Variants in NBPF4 observed in about 807,000 individuals in gnomAD.
NBPF4 encodes the protein NBPF family member NBPF4.
A neutral mutation model predicts 21.1 loss-of-function variants in NBPF4; 11 were observed. The ratio of observed to expected loss-of-function variants is 0.52; its 90% CI spans 0.33 to 0.86. The LOEUF (loss-of-function observed/expected upper bound fraction) is 0.86. Among genes scored for constraint, NBPF4 ranks in the 40% least tolerant of loss-of-function variants. NBPF4 has a pLI of 0.03. For synonymous variants in NBPF4, 47 were observed against 106.4 expected, an observed-to-expected ratio of 0.44 and a Z score of 3.43; for missense variants, 88 against 265.3, an observed-to-expected ratio of 0.33 and a Z score of 4.64.
At chr1:108,256,536 C>CCCCTCCCCTCCCCT in the NBPF4 span, among the ~76,000 whole-genome samples, 1 of 83,598 alleles carries the variant, frequency 1.2e-5, no homozygotes, top group Non-Finnish European at 2.2e-5. Context: ...TCCCTCCCCT[C>CCCCTCCCCTCCCCT]CCCTCCCCTC....
At chr1:108,246,264 C>T (rs1316963447), upstream of NBPF4, among the ~76,000 whole-genome samples, 4 of 127,332 alleles carry the variant, frequency 3.1e-5, no homozygotes, top group Non-Finnish European at 6.7e-5. Flanking sequence ...GCTGGGTAGT[C>T]CATGGTCACA....
At position 108,223,884 on chromosome 1, in the gene NBPF4, G is replaced by A. The variant is rs544330658; in HGVS notation, c.1876-138C>T. 195 of 945,606 alleles carry A rather than the reference G, an allele frequency of 2.1e-4. No homozygotes were observed. The East Asian group carries it at 4.6e-3, about 22-fold the overall frequency. 58.6% of individuals were successfully genotyped at this position (945,606 alleles called of 1,614,324 possible). A position where few individuals can be genotyped will look rare whatever the true frequency, so the allele number is the denominator to read the frequency against. ...GAGGATGAGCTGAAGGGTGAGTCCT[G>A]GGCTGTCAGAAGGGGGAAGCACCAT... On this transcript the variant is annotated intron_variant, in intron 14 of 14. Coordinates refer to ENST00000415641, the MANE Select transcript of NBPF4 (RefSeq NM_001143989.3).
chr1:108,228,938 T>A lies in NBPF4; in HGVS notation c.1642A>T (p.Asn548Tyr). 1 of 1,496,688 alleles carries A rather than the reference T, an allele frequency of 6.7e-7. No individual in the cohort carries two copies. The highest frequency in any genetic ancestry group is 9.1e-7 in the Non-Finnish European group (1 of 1,100,590). 92.7% of individuals were successfully genotyped at this position (1,496,688 alleles called of 1,614,324 possible). Residue 548 changes from asparagine (N) to tyrosine (Y), a missense_variant, in exon 13 of 15, where the codon AAC becomes TAC. Coordinates refer to ENST00000415641, the MANE Select transcript of NBPF4 (RefSeq NM_001143989.3). ...TCCCTACCTTGGAAGGGCCATTGGT[T>A]CCCAGAATCAGCATTGGCTGAGAAG... The part of the protein sequence containing the change: ...CSFSANADSG[N>Y]QWPFQELVLE...
At chr1:108,226,059 C>T (rs1299070110) in intron 14 of NBPF4, among the ~76,000 whole-genome samples, 1 of 131,354 alleles carries the variant, frequency 7.6e-6, no homozygotes, top group Non-Finnish European at 1.6e-5. Context: ...TCCACGTTGG[C>T]ACTAAGCTGC....
chr1:108,252,656 G>A, the NBPF4 span, among the ~76,000 whole-genome samples: 12 of 134,846 alleles, frequency 8.9e-5, no homozygotes, highest in South Asian at 2.5e-4. Flanking sequence ...GAGAATGTAC[G>A]TTTCCAGGAA....
chr1:108,226,757 C>T lies in NBPF4; in HGVS notation c.1797G>A (p.Lys599=), dbSNP rs976838113. 2.9e-5 allele frequency: 41 copies of T among 1,434,858 alleles called. 2 individuals carry two copies. The highest frequency in any genetic ancestry group is 3.7e-5 in the Non-Finnish European group (39 of 1,066,304). 88.9% of individuals were successfully genotyped at this position (1,434,858 alleles called of 1,614,324 possible). A position where few individuals can be genotyped will look rare whatever the true frequency, so the allele number is the denominator to read the frequency against. The part of the protein sequence containing the change: ...RIRASLVLIL[K]TIRRRLPFSK... The stretch of plus-strand genomic sequence containing the variant: ...TGAACGGGAGTCTTCTTCTGATGGT[C>T]TTCAGTATCAGGACAAGGGAGGCAC... Residue 599 remains lysine, a synonymous_variant, in exon 14 of 15, where the codon AAG becomes AAA. Transcript: ENST00000415641.
rs1183852831 is a variant in NBPF4, at chr1:108,222,669, A to G, written c.*1036T>C. Among the ~76,000 whole-genome samples, 2 of 152,240 alleles carry G rather than the reference A, an allele frequency of 1.3e-5. No individual in the cohort carries two copies. The highest frequency in any genetic ancestry group is 1.3e-4 in the Admixed American group (2 of 15,284). On this transcript the variant is annotated 3_prime_UTR_variant, in exon 15 of 15. Transcript: ENST00000415641. ...GATCTTTTTTACAAAGAATGCCAGC[A>G]AAAGCAAGTATAAGGTAAGATTTTG... is the stretch of plus-strand genomic sequence containing the variant.
chr1:108,258,352 G>T, the NBPF4 span, among the ~76,000 whole-genome samples: 1 of 137,916 alleles, frequency 7.3e-6, no homozygotes, highest in Non-Finnish European at 1.6e-5. Flanking sequence ...TTTATAATTT[G>T]CAGTCAGATT....
rs1325174377 is a variant in NBPF4 at position 108,241,322 on chromosome 1, A to C, written c.279-158T>G. Among the ~76,000 whole-genome samples, 25 of 39,292 alleles carry C rather than the reference A, an allele frequency of 6.4e-4. 1 individual carries two copies. Among genetic ancestry groups the C allele is most frequent in the African/African-American group, 2.9e-3 (25 of 8,688 alleles). 25.8% of individuals were successfully genotyped at this position (39,292 alleles called of 152,430 possible). A position where few individuals can be genotyped will look rare whatever the true frequency, so the allele number is the denominator to read the frequency against. On this transcript the variant is annotated intron_variant, in intron 3 of 14. Transcript: ENST00000415641. The stretch of plus-strand genomic sequence containing the variant: ...ATGTCTGTGGCCAAGAGAAAGAAGA[A>C]TATATATATATATATATACACACAC...
At chr1:108,241,494 T>C (rs1304904637) in intron 3 of NBPF4, among the ~76,000 whole-genome samples, 4 of 147,204 alleles carry the variant, frequency 2.7e-5, no homozygotes, top group Non-Finnish European at 6.0e-5. Flanking sequence ...AAACAAAAGT[T>C]AGTGTCTTCC....
chr1:108,245,967 T>G (rs1159987919), upstream of NBPF4, among the ~76,000 whole-genome samples: 2 of 114,658 alleles, frequency 1.7e-5, no homozygotes, highest in Non-Finnish European at 3.6e-5. Context: ...ACTGGAACTT[T>G]GGAATATACA....
At chr1:108,256,589 TCTCCCTCCCTCC>T in the NBPF4 span, among the ~76,000 whole-genome samples, 20 of 77,474 alleles carry the variant, frequency 2.6e-4, no homozygotes, top group Non-Finnish European at 4.4e-4. Flanking sequence ...TCCCTCCCTC[TCTCCCTCCCTCC>T]CTCCCTCCCT....
At chr1:108,257,762 C>CTTTTTTTTTTT in the NBPF4 span, among the ~76,000 whole-genome samples, 322 of 54,754 alleles carry the variant, frequency 5.9e-3, no homozygotes, top group Non-Finnish European at 7.2e-3. Context: ...CTTTTCTTTT[C>CTTTTTTTTTTT]TTTTTTTTTT....
At position 108,222,902 on chromosome 1, in the gene NBPF4, TCAC is replaced by T. The variant is rs1254949569; in HGVS notation, c.*800_*802del. 6.6e-6 allele frequency among the ~76,000 whole-genome samples: 1 copy of T among 152,192 alleles called. No individual in the cohort carries two copies. Among genetic ancestry groups the T allele is most frequent in the Non-Finnish European group, 1.5e-5 (1 of 68,042 alleles). ...CCTTAACCAAGTGACCATCCTAGTA[TCAC>T]CGCACTGGGGATGGACACACTGGGC... On this transcript the variant is annotated 3_prime_UTR_variant, in exon 15 of 15. Transcript: ENST00000415641.
the NBPF4 span, among the ~76,000 whole-genome samples, chr1:108,256,612 CCCTTCCTTCCTT>C: frequency 1.1e-5 from 1 of 91,414 alleles, no homozygotes; most frequent in Non-Finnish European, 2.1e-5. Flanking sequence ...CTCCCTCCCT[CCCTTCCTTCCTT>C]CCTTTCCTTC....
intron 3 of NBPF4, among the ~76,000 whole-genome samples, 196 bp from the exon 4 acceptor site, chr1:108,241,360 A>G (rs1649706961): frequency 7.0e-6 from 1 of 142,498 alleles, no homozygotes; most frequent in Non-Finnish European, 1.5e-5. Flanking sequence ...ACACACACAC[A>G]CATACATATA....
the NBPF4 span, among the ~76,000 whole-genome samples, chr1:108,259,861 T>TA: frequency 1.3e-5 from 2 of 149,914 alleles, no homozygotes; most frequent in African/African-American, 5.0e-5. Context: ...TATTAATAGA[T>TA]AAAATCTACA....
the NBPF4 span, among the ~76,000 whole-genome samples, chr1:108,256,565 C>G: frequency 1.1e-5 from 1 of 91,140 alleles, no homozygotes; most frequent in Non-Finnish European, 2.1e-5. Context: ...TGCCCTCCCT[C>G]TCCTCCCCTC....
the NBPF4 span, among the ~76,000 whole-genome samples, chr1:108,259,669 T>C: frequency 1.4e-5 from 2 of 146,222 alleles, 1 homozygote; most frequent in African/African-American, 5.2e-5. Context: ...GTCTGGGAGT[T>C]TGAGATGAGC....
Sources: allele counts gnomAD v4.1 joint callset (sites outside exome capture counted in the v4.1 genomes callset), GRCh38; gene constraint gnomAD v4.1.1; transcripts MANE v1.5; gene names NCBI Gene and HGNC (gene_info 2026-07-23, HGNC 2026-07-21).